Variants in CAPS2 observed in about 807,000 individuals in gnomAD.
CAPS2 encodes calcyphosin-2.
In CAPS2, 98 loss-of-function variants were observed where a neutral mutation model predicts 86.5. The ratio of observed to expected loss-of-function variants is 1.13; its 90% CI spans 0.96 to 1.34. CAPS2 has a LOEUF of 1.34. CAPS2 is among the 40% of genes most tolerant of loss of function. The probability of loss-of-function intolerance (pLI) is 0.00; values close to 1 mark genes in which losing one functional copy is unlikely to be tolerated. For missense variants in CAPS2, 729 were observed against 686.8 expected (o/e 1.06, Z -0.69); for synonymous variants, 210 against 225.1 (o/e 0.93, Z 0.60).
At chr12:75,379,125 T>C (rs1197452673) in intron 1 of CAPS2, among the ~76,000 whole-genome samples, 1 of 152,234 alleles carries the variant, frequency 6.6e-6, no homozygotes, top group African/African-American at 2.4e-5. Context: ...TACCCCTTTA[T>C]ACTTATTCAT....
rs553431749 is a variant in CAPS2 at position 75,294,458 on chromosome 12, G to A, written c.1045-1091C>T. On this transcript the variant is annotated intron_variant, in intron 11 of 16. Coordinates refer to ENST00000393284, the Ensembl canonical transcript of CAPS2. ...CCTAGATAAGGCTTTCTCAAGGACC[G>A]GTGAGCCACTCTTTGAGTGTAAACA... Among the ~76,000 whole-genome samples, 3 of 152,200 alleles carry A rather than the reference G, an allele frequency of 2.0e-5. No homozygotes were observed. In the South Asian group the frequency reaches 6.2e-4, roughly 32 times the overall value.
At chr12:75,276,167 A>G, downstream of CAPS2, 1 of 1,515,870 alleles carries the variant, frequency 6.6e-7, no homozygotes, top group Non-Finnish European at 8.8e-7. Context: ...CTTATTTTAT[A>G]TATGCCCATT....
intron 1 of CAPS2, among the ~76,000 whole-genome samples, chr12:75,362,918 C>A (rs948724714): frequency 6.6e-6 from 1 of 152,040 alleles, no homozygotes; most frequent in Non-Finnish European, 1.5e-5. Flanking sequence ...CGTGATTCAT[C>A]CTGTAAGGAA....
chr12:75,369,902 G>A (rs1342819580), intron 1 of CAPS2: 2 of 1,312,170 alleles, frequency 1.5e-6, no homozygotes, highest in East Asian at 2.6e-5. Context: ...TAAAAGCAAA[G>A]AAATATGTTT....
intron 9 of CAPS2, among the ~76,000 whole-genome samples, chr12:75,299,449 T>C (rs2037445653): frequency 6.6e-6 from 1 of 152,150 alleles, no homozygotes; most frequent in Non-Finnish European, 1.5e-5. Context: ...GATTTAAAAA[T>C]TATTTTCCTT....
intron 1 of CAPS2, among the ~76,000 whole-genome samples, chr12:75,350,491 A>C (rs1411339685): frequency 1.3e-5 from 2 of 152,206 alleles, no homozygotes; most frequent in Non-Finnish European, 2.9e-5. Context: ...CCCAGTGGAA[A>C]GATCAGGCTG....
intron 2 of CAPS2, among the ~76,000 whole-genome samples, chr12:75,323,977 A>T (rs894407485): frequency 6.6e-6 from 1 of 152,212 alleles, no homozygotes; most frequent in African/African-American, 2.4e-5. Flanking sequence ...TGCTACAAAT[A>T]GGACTTGGTT....
intron 1 of CAPS2, among the ~76,000 whole-genome samples, chr12:75,379,747 G>T (rs1167871284): frequency 6.6e-6 from 1 of 151,252 alleles, no homozygotes; most frequent in Non-Finnish European, 1.5e-5. Context: ...AATCAGATTT[G>T]CCAATAATAG....
upstream of CAPS2, chr12:75,329,747 T>A: frequency 8.4e-7 from 1 of 1,185,950 alleles, no homozygotes; most frequent in South Asian, 1.7e-5. Flanking sequence ...ACTTAGGTCA[T>A]TCCTAATTTC....
intron 2 of CAPS2, among the ~76,000 whole-genome samples, 166 bp from the exon 4 acceptor site, chr12:75,323,388 G>A (rs1457505272): frequency 2.6e-5 from 4 of 151,806 alleles, no homozygotes; most frequent in Admixed American, 2.0e-4. Flanking sequence ...ATTTTTAACT[G>A]GTTGTTAAAC....
At chr12:75,363,326 T>C (rs2043743540) in intron 1 of CAPS2, 1 of 403,200 alleles carries the variant, frequency 2.5e-6, no homozygotes, top group Non-Finnish European at 4.4e-6. Context: ...ATATAAATCA[T>C]GTCATAAATT....
rs576417538 is a variant in CAPS2, at chr12:75,362,580, A to C, written c.-395+28258T>G. Among the ~76,000 whole-genome samples, 4 of 152,304 alleles carry C rather than the reference A, an allele frequency of 2.6e-5. No individual in the cohort carries two copies. In the East Asian group the frequency reaches 5.8e-4, roughly 22 times the overall value. The stretch of plus-strand genomic sequence containing the variant: ...GTTATGTTTTTATTTGTGTACTCTA[A>C]GTTAAAGTAACACATTTTTAAATCT... On this transcript the variant is annotated intron_variant, in intron 1 of 5. Coordinates refer to the CAPS2 transcript ENST00000551829.
At chr12:75,318,097 T>C (rs938288630) in intron 5 of CAPS2, 2 of 152,128 alleles carry the variant, frequency 1.3e-5, no homozygotes, top group Non-Finnish European at 1.5e-5. Flanking sequence ...AGAGTATTTG[T>C]CTTTCTGTGC....
chr12:75,335,587 A>G (rs1209154784), intron 1 of CAPS2, among the ~76,000 whole-genome samples: 1 of 152,170 alleles, frequency 6.6e-6, no homozygotes, highest in African/African-American at 2.4e-5. Flanking sequence ...AGTATAACTC[A>G]TATCTATTCC....
At chr12:75,316,575 T>C in intron 5 of CAPS2, 141 bp from the exon 6 acceptor site, 1 of 791,902 alleles carries the variant, frequency 1.3e-6, no homozygotes. Context: ...AAAATCAGAT[T>C]GCTTATATTT....
At chr12:75,362,498 A>G (rs2043666882) in intron 1 of CAPS2, among the ~76,000 whole-genome samples, 1 of 152,178 alleles carries the variant, frequency 6.6e-6, no homozygotes, top group African/African-American at 2.4e-5. Context: ...ATGCCCATCA[A>G]TGGAAGAATA....
chr12:75,276,220 A>G (rs1488552070), downstream of CAPS2: 8 of 1,542,528 alleles, frequency 5.2e-6, no homozygotes, highest in East Asian at 1.5e-4. Flanking sequence ...TTTTTTAAGC[A>G]TTTTCATGTT....
At chr12:75,300,034 T>TA (rs201289375) in intron 8 of CAPS2, 123 bp from the exon 9 acceptor site, 4,534 of 436,490 alleles carry the variant, frequency 0.01, 22 homozygotes, top group East Asian at 0.028. Flanking sequence ...ACAATAAAGG[T>TA]AAAAAAAAAC....
chr12:75,333,287 CATAG>C (rs2041468952), upstream of CAPS2, among the ~76,000 whole-genome samples: 1 of 151,568 alleles, frequency 6.6e-6, no homozygotes, highest in African/African-American at 2.4e-5. Context: ...CAGATTTATA[CATAG>C]AGAGAACTTT....
Sources: allele counts gnomAD v4.1 joint callset (sites outside exome capture counted in the v4.1 genomes callset), GRCh38; gene constraint gnomAD v4.1.1; transcripts MANE v1.5; gene names NCBI Gene and HGNC (gene_info 2026-07-23, HGNC 2026-07-21).